BCL2L1: variants seen among roughly 807,000 people sequenced by gnomAD.
The protein encoded by BCL2L1 is bcl-2-like protein 1.
A neutral mutation model predicts 18.7 loss-of-function variants in BCL2L1; 1 was observed. The ratio of observed to expected loss-of-function variants is 0.05; its 90% CI spans 0.02 to 0.25. The LOEUF (loss-of-function observed/expected upper bound fraction) is 0.25. BCL2L1 is among the 10% of genes least tolerant of loss of function. The pLI, the probability that BCL2L1 is intolerant of heterozygous loss-of-function variation, is 1.00. For synonymous variants in BCL2L1, 103 were observed against 122.7 expected, an observed-to-expected ratio of 0.84 and a Z score of 1.06; for missense variants, 207 against 304.9, an observed-to-expected ratio of 0.68 and a Z score of 2.39.
At chr20:31,694,864 G>A (rs541121872) in intron 2 of BCL2L1, among the ~76,000 whole-genome samples, 3 of 152,040 alleles carry the variant, frequency 2.0e-5, no homozygotes, top group Non-Finnish European at 4.4e-5. Flanking sequence ...GAGCCCAGGA[G>A]TTCGAGACAA....
chr20:31,685,331 C>T (rs1031258602), intron 2 of BCL2L1, among the ~76,000 whole-genome samples: 27 of 150,388 alleles, frequency 1.8e-4, no homozygotes, highest in Non-Finnish European at 1.3e-4. Flanking sequence ...ACCCAGGAGG[C>T]GGAGCTTGCA....
At chr20:31,685,635 C>G (rs1362092741) in intron 2 of BCL2L1, among the ~76,000 whole-genome samples, 2 of 152,266 alleles carry the variant, frequency 1.3e-5, no homozygotes, top group African/African-American at 4.8e-5. Flanking sequence ...GCACCACGGG[C>G]CTCACTTTTC....
chr20:31,686,560 A>G (rs936599293), intron 2 of BCL2L1, among the ~76,000 whole-genome samples: 3 of 152,194 alleles, frequency 2.0e-5, no homozygotes, highest in African/African-American at 7.2e-5. Context: ...AAGCTGTAAT[A>G]TCTTAGAGAT....
intron 2 of BCL2L1, among the ~76,000 whole-genome samples, chr20:31,708,626 G>A (rs1274941247): frequency 6.6e-6 from 1 of 152,206 alleles, no homozygotes; most frequent in Admixed American, 6.5e-5. Flanking sequence ...CCCCCCAGCT[G>A]AGCCCAGCTG....
chr20:31,709,467 T>C (rs140353578), intron 2 of BCL2L1, among the ~76,000 whole-genome samples: 586 of 152,086 alleles, frequency 3.9e-3, no homozygotes, highest in Middle Eastern at 0.024. Flanking sequence ...CCTCAAGTGA[T>C]TCTCCTGACT....
At chr20:31,696,915 G>C (rs902096551) in intron 2 of BCL2L1, among the ~76,000 whole-genome samples, 3 of 151,992 alleles carry the variant, frequency 2.0e-5, no homozygotes, top group African/African-American at 7.3e-5. Flanking sequence ...AATTAGCTGG[G>C]CATGGTGGTG....
intron 2 of BCL2L1, chr20:31,713,353 G>C: frequency 7.1e-6 from 7 of 985,354 alleles, no homozygotes; most frequent in Non-Finnish European, 8.4e-6. Flanking sequence ...AGAAAGTAAT[G>C]GACAAGAGGA....
At chr20:31,722,913 GC>G (rs1195213711), upstream of BCL2L1, 1 of 152,396 alleles carries the variant, frequency 6.6e-6, no homozygotes, top group East Asian at 1.9e-4. Context: ...CGGGAGCCCA[GC>G]CCCCTCTCTC....
chr20:31,670,515 G>A (rs898730948), intron 2 of BCL2L1, among the ~76,000 whole-genome samples: 10 of 152,298 alleles, frequency 6.6e-5, no homozygotes, highest in Middle Eastern at 6.8e-3. Context: ...GTAAACAGGC[G>A]CTGTCCCCAC....
At chr20:31,723,954 G>T (rs2061675754), upstream of BCL2L1, 1 of 985,352 alleles carries the variant, frequency 1.0e-6, no homozygotes, top group South Asian at 4.7e-5. Flanking sequence ...GTCACTTCCG[G>T]TGCCGCGGCA....
At chr20:31,667,674 T>G (rs2060608577) in intron 2 of BCL2L1, among the ~76,000 whole-genome samples, 1 of 152,002 alleles carries the variant, frequency 6.6e-6, no homozygotes, top group Non-Finnish European at 1.5e-5. Context: ...ATTTGCTCAC[T>G]TGTGACCCCT....
intron 2 of BCL2L1, among the ~76,000 whole-genome samples, chr20:31,718,812 T>G (rs1285180865): frequency 6.6e-6 from 1 of 152,218 alleles, no homozygotes; most frequent in Non-Finnish European, 1.5e-5. Flanking sequence ...ATCCTTCCCA[T>G]AGCTACCTGA....
chr20:31,715,109 A>G (rs1219347029), intron 2 of BCL2L1, among the ~76,000 whole-genome samples: 1 of 151,990 alleles, frequency 6.6e-6, no homozygotes, highest in Non-Finnish European at 1.5e-5. Context: ...CCCGTCTACT[A>G]AAAATACCAA....
intron 2 of BCL2L1, among the ~76,000 whole-genome samples, chr20:31,688,162 G>A (rs2060993293): frequency 6.6e-6 from 1 of 152,106 alleles, no homozygotes; most frequent in Non-Finnish European, 1.5e-5. Context: ...ATGTGCTGAT[G>A]GCCGGCGCGG....
chr20:31,666,432 G>A (rs2060589373), intron 2 of BCL2L1, among the ~76,000 whole-genome samples: 1 of 152,100 alleles, frequency 6.6e-6, no homozygotes, highest in Non-Finnish European at 1.5e-5. Flanking sequence ...AGGAGAGGAG[G>A]GCATGGGGGA....
At chr20:31,679,172 G>C (rs1241971656) in intron 2 of BCL2L1, among the ~76,000 whole-genome samples, 1 of 152,188 alleles carries the variant, frequency 6.6e-6, no homozygotes, top group Non-Finnish European at 1.5e-5. Flanking sequence ...AGATGCCTGA[G>C]ATGGTGAGAA....
At chr20:31,692,823 C>A (rs946996835) in intron 2 of BCL2L1, among the ~76,000 whole-genome samples, 1 of 152,008 alleles carries the variant, frequency 6.6e-6, no homozygotes, top group Admixed American at 6.6e-5. Flanking sequence ...GCAAGAGAAT[C>A]ACTTTAACCC....
intron 2 of BCL2L1, among the ~76,000 whole-genome samples, chr20:31,714,883 C>T (rs1034458340): frequency 2.6e-5 from 4 of 152,136 alleles, no homozygotes; most frequent in African/African-American, 7.2e-5. Flanking sequence ...CTCCAGTCCC[C>T]GTCTCACTAC....
chr20:31,677,808 C>T (rs945757591), intron 2 of BCL2L1, among the ~76,000 whole-genome samples: 1 of 152,190 alleles, frequency 6.6e-6, no homozygotes, highest in Admixed American at 6.5e-5. Context: ...GTCACTTTCT[C>T]AAGGAGCCTA....
Sources: gnomAD v4.1 joint callset for allele counts (sites outside exome capture counted in the v4.1 genomes callset) on GRCh38, gnomAD v4.1.1 for gene constraint, MANE v1.5 for transcripts, NCBI Gene and HGNC (gene_info 2026-07-23, HGNC 2026-07-21) for gene names.